Variants in SH3RF3 observed in about 807,000 individuals in gnomAD.
SH3RF3 encodes the protein SH3 domain containing ring finger 3, also known as E3 ubiquitin-protein ligase SH3RF3.
In SH3RF3, 29 loss-of-function variants were observed where a neutral mutation model predicts 66.3. The observed-to-expected ratio is 0.44, with a 90% CI of 0.33 to 0.60. The LOEUF (loss-of-function observed/expected upper bound fraction) is 0.60, where lower values mean the gene tolerates loss of function less well. Among genes scored for constraint, SH3RF3 ranks in the 20% least tolerant of loss-of-function variants. The pLI is 0.04. For missense variants in SH3RF3, 1,194 were observed against 1,190.9 expected (o/e 1.00, Z -0.04); for synonymous variants, 583 against 532.0 (o/e 1.10, Z -1.32).
chr2:109,136,092 T>C (rs1230970411), intron 1 of SH3RF3, among the ~76,000 whole-genome samples: 2 of 152,196 alleles, frequency 1.3e-5, no homozygotes, highest in Non-Finnish European at 2.9e-5. Flanking sequence ...CTCCTGGCTT[T>C]TGAGAGCCTG....
At chr2:109,424,425 C>T (rs1573240447) in intron 5 of SH3RF3, among the ~76,000 whole-genome samples, 1 of 152,344 alleles carries the variant, frequency 6.6e-6, no homozygotes, top group South Asian at 2.1e-4. Flanking sequence ...AGCAGAAACA[C>T]AGGCAAACCT....
intron 1 of SH3RF3, among the ~76,000 whole-genome samples, chr2:109,254,418 G>C (rs755305581): frequency 1.3e-5 from 2 of 152,102 alleles, no homozygotes; most frequent in Non-Finnish European, 2.9e-5. Flanking sequence ...TTGGACTGTT[G>C]GGGAGGTTAA....
chr2:109,367,212 C>T (rs1278588019), intron 2 of SH3RF3, among the ~76,000 whole-genome samples: 1 of 150,414 alleles, frequency 6.6e-6, no homozygotes, highest in Non-Finnish European at 1.5e-5. Flanking sequence ...GATCTGCCTA[C>T]TTCGGCCTAC....
intron 1 of SH3RF3, among the ~76,000 whole-genome samples, chr2:109,286,301 A>T (rs1282732373): frequency 6.6e-6 from 1 of 152,108 alleles, no homozygotes; most frequent in Non-Finnish European, 1.5e-5. Context: ...TGGTCAAGGG[A>T]TGTGTTTGAC....
chr2:109,213,993 C>T (rs780166940), intron 1 of SH3RF3, among the ~76,000 whole-genome samples: 3 of 152,098 alleles, frequency 2.0e-5, no homozygotes, highest in African/African-American at 4.8e-5. Flanking sequence ...ATTGGGTGGA[C>T]GTGGCGGGCA....
At chr2:109,269,960 C>A (rs1410182311) in intron 1 of SH3RF3, among the ~76,000 whole-genome samples, 1 of 152,190 alleles carries the variant, frequency 6.6e-6, no homozygotes, top group Non-Finnish European at 1.5e-5. Context: ...ACAGAGAATT[C>A]CTAGCTGTAC....
chr2:109,421,527 A>G (rs570416915), intron 5 of SH3RF3, among the ~76,000 whole-genome samples: 42 of 152,346 alleles, frequency 2.8e-4, no homozygotes, highest in Non-Finnish European at 5.6e-4. Context: ...ACCATGGACA[A>G]ACCTCCATGT....
intron 1 of SH3RF3, among the ~76,000 whole-genome samples, chr2:109,133,408 A>G (rs1676741637): frequency 1.3e-5 from 2 of 152,226 alleles, no homozygotes; most frequent in South Asian, 4.1e-4. Flanking sequence ...ATAAAATTAT[A>G]TTTGTTAAAT....
At chr2:109,404,846 C>T (rs1244857258) in intron 4 of SH3RF3, among the ~76,000 whole-genome samples, 1 of 152,182 alleles carries the variant, frequency 6.6e-6, no homozygotes, top group Non-Finnish European at 1.5e-5. Context: ...CAGCATCCTC[C>T]TTCCTCATCC....
intron 1 of SH3RF3, among the ~76,000 whole-genome samples, chr2:109,168,351 TCAGAACC>T (rs1677678892): frequency 1.3e-5 from 2 of 152,180 alleles, no homozygotes; most frequent in South Asian, 4.1e-4. Context: ...CTGTCTTTGT[TCAGAACC>T]CAGCTATCAG....
At chr2:109,180,112 G>A (rs1171533894) in intron 1 of SH3RF3, among the ~76,000 whole-genome samples, 5 of 151,578 alleles carry the variant, frequency 3.3e-5, no homozygotes, top group Non-Finnish European at 7.4e-5. Context: ...AGGAACCACA[G>A]GAGAAGTTTT....
chr2:109,438,357 G>T (rs989348773), intron 7 of SH3RF3, among the ~76,000 whole-genome samples: 2 of 152,150 alleles, frequency 1.3e-5, no homozygotes, highest in Admixed American at 6.5e-5. Context: ...AACTTTGGGT[G>T]CCCAATGTCT....
chr2:109,398,318 T>G (rs1304629040), intron 3 of SH3RF3, among the ~76,000 whole-genome samples: 1 of 152,150 alleles, frequency 6.6e-6, no homozygotes, highest in Non-Finnish European at 1.5e-5. Context: ...TTGAAAAGAT[T>G]GGGGCGACAA....
intron 1 of SH3RF3, among the ~76,000 whole-genome samples, chr2:109,132,896 A>G (rs1676730052): frequency 6.6e-6 from 1 of 152,246 alleles, no homozygotes; most frequent in African/African-American, 2.4e-5. Context: ...AATTCAAAAC[A>G]TGCTTTTTAA....
chr2:109,275,591 C>G (rs1444208849), intron 1 of SH3RF3, among the ~76,000 whole-genome samples: 4 of 152,214 alleles, frequency 2.6e-5, no homozygotes, highest in Non-Finnish European at 5.9e-5. Flanking sequence ...GCCCCGCACC[C>G]GCCGTGCTTC....
intron 4 of SH3RF3, among the ~76,000 whole-genome samples, chr2:109,400,339 CAT>C (rs373581164): frequency 1.9e-4 from 29 of 152,238 alleles, no homozygotes; most frequent in South Asian, 4.2e-4. Flanking sequence ...CACACCCACA[CAT>C]GTGCACTTAC....
intron 1 of SH3RF3, among the ~76,000 whole-genome samples, chr2:109,315,849 C>T (rs528037117): frequency 6.6e-6 from 1 of 152,338 alleles, no homozygotes; most frequent in East Asian, 1.9e-4. Context: ...TCTTACCTGT[C>T]AGGACGTGAT....
intron 3 of SH3RF3, among the ~76,000 whole-genome samples, chr2:109,380,814 A>G (rs1683493705): frequency 6.6e-6 from 1 of 152,162 alleles, no homozygotes; most frequent in Non-Finnish European, 1.5e-5. Flanking sequence ...GCAGACATCA[A>G]ACTTTTTAGA....
chr2:109,501,376 T>C, intron 9 of SH3RF3, 127 bp from the exon 10 acceptor site: 2 of 522,874 alleles, frequency 3.8e-6, no homozygotes, highest in East Asian at 5.8e-5. Context: ...TAAAGATAAA[T>C]AGAAATTGTA....
Sources: gnomAD v4.1 joint callset for allele counts (sites outside exome capture counted in the v4.1 genomes callset) on GRCh38, gnomAD v4.1.1 for gene constraint, MANE v1.5 for transcripts, NCBI Gene and HGNC (gene_info 2026-07-23, HGNC 2026-07-21) for gene names.